HOXC5: variants seen among roughly 807,000 people sequenced by gnomAD.
HOXC5 encodes the protein homeobox C5.
In HOXC5, 19 loss-of-function variants were observed where a neutral mutation model predicts 20.1. The ratio of observed to expected loss-of-function variants is 0.94; its 90% CI spans 0.66 to 1.38. HOXC5 has a LOEUF of 1.38. Among genes scored for constraint, HOXC5 ranks in the 40% most tolerant of loss-of-function variants. The probability of loss-of-function intolerance (pLI) is 0.00; values close to 1 mark genes in which losing one functional copy is unlikely to be tolerated. For missense variants in HOXC5, 330 were observed against 300.1 expected (o/e 1.10, Z -0.74); for synonymous variants, 124 against 117.0 (o/e 1.06, Z -0.39).
At chr12:54,033,916 C>G in intron 1 of HOXC5, 1 of 447,378 alleles carries the variant, frequency 2.2e-6, no homozygotes, top group South Asian at 2.1e-5. Flanking sequence ...GAGCCGGCTC[C>G]GCCGGCGCTT....
chr12:54,028,359 T>A, upstream of HOXC5: 1 of 679,792 alleles, frequency 1.5e-6, no homozygotes, highest in Non-Finnish European at 2.4e-6. Context: ...TTTTCCCCCT[T>A]CCTGACATCT....
At position 54,034,337 on chromosome 12, in the gene HOXC5, A is replaced by G; in HGVS notation, c.514A>G (p.Lys172Glu). Residue 172 changes from lysine to glutamate, a missense_variant, in exon 2 of 2, where the codon AAA becomes GAA. Lys to Glu is a moderately conservative substitution (Grantham distance 56). Coordinates refer to ENST00000312492, the MANE Select transcript of HOXC5 (RefSeq NM_018953.4). ...GCGCTACCAGACTCTGGAACTCGAG[A>G]AAGAATTCCACTTTAACCGCTACCT... The part of the protein sequence containing the change: ...YTRYQTLELE[K>E]EFHFNRYLTR... The G allele has an allele frequency of 6.2e-7, 1 of 1,614,198 alleles. No homozygotes were observed. Among genetic ancestry groups the G allele is most frequent in the Non-Finnish European group, 8.5e-7 (1 of 1,180,030 alleles).
the HOXC5 span, among the ~76,000 whole-genome samples, chr12:54,025,397 T>C: frequency 6.6e-6 from 1 of 152,096 alleles, no homozygotes; most frequent in Non-Finnish European, 1.5e-5. Flanking sequence ...TAATCCAATG[T>C]AGGGAAGATC....
chr12:54,029,746 C>T (rs770642032), upstream of HOXC5: 14 of 1,614,206 alleles, frequency 8.7e-6, no homozygotes, highest in Non-Finnish European at 1.1e-5. Flanking sequence ...ACTTCAATCG[C>T]TACCTAACGC....
At chr12:54,025,236 TCTG>T in the HOXC5 span, among the ~76,000 whole-genome samples, 1 of 152,338 alleles carries the variant, frequency 6.6e-6, no homozygotes, top group Admixed American at 6.5e-5. Context: ...TGTTCTTGCT[TCTG>T]CTGATGAGTT....
rs1315019395 is a variant in HOXC5 at position 54,034,277 on chromosome 12, G to C, written c.455-1G>C. 46 of 1,613,054 alleles carry C rather than the reference G, an allele frequency of 2.9e-5. No individual in the cohort carries two copies. In the South Asian group the frequency reaches 4.9e-4, roughly 17 times the overall value. On this transcript the variant is annotated splice_acceptor_variant, in intron 1 of 1. Coordinates refer to ENST00000312492, the MANE Select transcript of HOXC5 (RefSeq NM_018953.4). LOFTEE classifies it high-confidence loss of function. ...GGCTTGGGGTGGGGTTTATGTTCCA[G>C]AGACGGACGGCAAGCGGTCCCGAAC...
upstream of HOXC5, chr12:54,028,564 G>A: frequency 6.2e-7 from 1 of 1,614,064 alleles, no homozygotes; most frequent in South Asian, 1.1e-5. Flanking sequence ...CTGCCACCTC[G>A]CCGGGGGCCA....
At chr12:54,028,867 C>T, upstream of HOXC5, 1 of 1,613,880 alleles carries the variant, frequency 6.2e-7, no homozygotes, top group Non-Finnish European at 8.5e-7. Flanking sequence ...GCCCCAGGAC[C>T]AGAAAGCCAG....
the HOXC5 span, among the ~76,000 whole-genome samples, chr12:54,017,737 CTTA>C: frequency 6.6e-6 from 1 of 152,092 alleles, no homozygotes; most frequent in Admixed American, 6.5e-5. Context: ...TCAGTACCTG[CTTA>C]TTATAGATCT....
rs779980223 is a variant in HOXC5, at chr12:54,034,514, G to C, written c.*22G>C. On this transcript the variant is annotated 3_prime_UTR_variant, in exon 2 of 2. Coordinates refer to ENST00000312492, the MANE Select transcript of HOXC5 (RefSeq NM_018953.4). ...TTAGAGGCAGCGGGGGAGGCCCGCA[G>C]AGCGCGCCCCTAGCCGGTTCCTGTC... The C allele has an allele frequency of 6.3e-6, 10 of 1,598,740 alleles. No homozygotes were observed. Among genetic ancestry groups the C allele is most frequent in the Non-Finnish European group, 8.6e-6 (10 of 1,168,136 alleles).
At chr12:54,024,157 A>C in the HOXC5 span, among the ~76,000 whole-genome samples, 1 of 152,100 alleles carries the variant, frequency 6.6e-6, no homozygotes, top group South Asian at 2.1e-4. Flanking sequence ...TCTCCGTAAG[A>C]GGGATTTTAG....
chr12:54,034,371 G>A lies in HOXC5; in HGVS notation c.548G>A (p.Arg183His), dbSNP rs781526097. 1.9e-6 allele frequency: 3 copies of A among 1,614,160 alleles called. No homozygotes were observed. The highest frequency in any genetic ancestry group is 1.7e-5 in the Admixed American group (1 of 60,036). Residue 183 changes from arginine to histidine, a missense_variant, in exon 2 of 2, where the codon CGC becomes CAC. Coordinates refer to ENST00000312492, the MANE Select transcript of HOXC5 (RefSeq NM_018953.4). ...CACTTTAACCGCTACCTCACTCGCC[G>A]CAGGCGCATAGAGATCGCCAACAAC... is the stretch of plus-strand genomic sequence containing the variant. Reference protein sequence around the residue: ...EFHFNRYLTRRRRIEIANNLC... With the variant: ...EFHFNRYLTRHRRIEIANNLC...
At chr12:54,026,321 C>T in the HOXC5 span, among the ~76,000 whole-genome samples, 1 of 152,180 alleles carries the variant, frequency 6.6e-6, no homozygotes, top group African/African-American at 2.4e-5. Context: ...GGGCCTGAAG[C>T]CTCAGCCAGC....
At chr12:54,028,650 C>T (rs763969646), upstream of HOXC5, 2 of 1,613,944 alleles carry the variant, frequency 1.2e-6, no homozygotes, top group African/African-American at 1.3e-5. Context: ...ATGGAGCGGC[C>T]GTTGCCCAGA....
chr12:54,033,938 G>A (rs780385728), intron 1 of HOXC5: 1 of 497,268 alleles, frequency 2.0e-6, no homozygotes, highest in Non-Finnish European at 3.8e-6. Context: ...CGGCTCCGGA[G>A]GATTCCAGCG....
At chr12:54,020,720 G>A in the HOXC5 span, 3 of 152,188 alleles carry the variant, frequency 2.0e-5, no homozygotes, top group Non-Finnish European at 2.9e-5. Context: ...GAGGCACCGG[G>A]TGCACTGAGC....
At chr12:54,023,123 T>A in the HOXC5 span, among the ~76,000 whole-genome samples, 10 of 152,268 alleles carry the variant, frequency 6.6e-5, no homozygotes, top group African/African-American at 2.2e-4. Flanking sequence ...CCCCAGGCTC[T>A]CCCCAAGCCC....
the HOXC5 span, among the ~76,000 whole-genome samples, chr12:54,023,709 T>C: frequency 3.3e-5 from 5 of 152,192 alleles, no homozygotes; most frequent in Middle Eastern, 3.2e-3. Context: ...TCCATTTCTG[T>C]GTTAGGTGTG....
chr12:54,033,665 A>G, intron 1 of HOXC5, 89 bp downstream of exon 1: 1 of 1,196,320 alleles, frequency 8.4e-7, no homozygotes, highest in Non-Finnish European at 1.1e-6. Context: ...ACCTGCGGCC[A>G]TAAATTTTAC....
Sources: gnomAD v4.1 joint callset for allele counts (sites outside exome capture counted in the v4.1 genomes callset) on GRCh38, gnomAD v4.1.1 for gene constraint, MANE v1.5 for transcripts, NCBI Gene and HGNC (gene_info 2026-07-23, HGNC 2026-07-21) for gene names.